LRRC4C: variants seen among roughly 807,000 people sequenced by gnomAD.
The protein encoded by LRRC4C is leucine rich repeat containing 4C.
A neutral mutation model predicts 33.6 loss-of-function variants in LRRC4C; 5 were observed. The ratio of observed to expected loss-of-function variants is 0.15; its 90% confidence interval spans 0.08 to 0.31. The LOEUF is 0.31. Among genes scored for constraint, LRRC4C ranks in the 10% least tolerant of loss-of-function variants. The pLI, the probability that LRRC4C is intolerant of heterozygous loss-of-function variation, is 1.00. For synonymous variants in LRRC4C, 329 were observed against 302.0 expected, an observed-to-expected ratio of 1.09 and a Z score of -0.93; for missense variants, 560 against 796.7, an observed-to-expected ratio of 0.70 and a Z score of 3.58.
intron 2 of LRRC4C, among the ~76,000 whole-genome samples, chr11:40,749,026 A>G (rs75836299): frequency 0.12 from 17,960 of 152,186 alleles, 1,460 homozygotes; most frequent in East Asian, 0.41. Flanking sequence ...AGCGACTGCA[A>G]TGGAATGATT....
chr11:40,329,737 CTTTTTTTTTTTTTT>C (rs199598860), intron 3 of LRRC4C, among the ~76,000 whole-genome samples: 1 of 120,414 alleles, frequency 8.3e-6, no homozygotes, highest in Admixed American at 8.6e-5. Context: ...CTTTCTTTTT[CTTTTTTTTTTTTTT>C]TTTTTTTTGA....
At chr11:40,853,982 G>C (rs1329318276) in intron 2 of LRRC4C, among the ~76,000 whole-genome samples, 3 of 152,142 alleles carry the variant, frequency 2.0e-5, no homozygotes, top group South Asian at 4.1e-4. Context: ...AACTGGAAGA[G>C]AGGTAATCAA....
chr11:40,486,154 T>TAAAA (rs11415781), intron 3 of LRRC4C, among the ~76,000 whole-genome samples: 9 of 133,462 alleles, frequency 6.7e-5, no homozygotes, highest in Non-Finnish European at 1.5e-4. Flanking sequence ...GACAAAAGTT[T>TAAAA]AAAAAAAAAA....
chr11:41,168,734 T>A (rs1242396087), intron 1 of LRRC4C, among the ~76,000 whole-genome samples: 2 of 152,206 alleles, frequency 1.3e-5, no homozygotes, highest in Admixed American at 6.5e-5. Context: ...CATTTTCAAT[T>A]GAGTACTTTT....
At chr11:40,904,999 C>A (rs926093390) in intron 2 of LRRC4C, among the ~76,000 whole-genome samples, 1 of 152,060 alleles carries the variant, frequency 6.6e-6, no homozygotes, top group South Asian at 2.1e-4. Flanking sequence ...TTTGTGCGCA[C>A]GTGCACACGC....
chr11:40,154,301 A>C (rs1858488777), intron 5 of LRRC4C, among the ~76,000 whole-genome samples: 1 of 151,928 alleles, frequency 6.6e-6, no homozygotes, highest in African/African-American at 2.4e-5. Flanking sequence ...AAAAAAAAAA[A>C]AACAAAAAGC....
intron 1 of LRRC4C, among the ~76,000 whole-genome samples, chr11:41,438,450 G>A (rs1303538379): frequency 6.6e-6 from 1 of 152,142 alleles, no homozygotes; most frequent in Non-Finnish European, 1.5e-5. Flanking sequence ...TGGTGACCTT[G>A]TAGAAAGTCC....
chr11:40,950,572 C>CT (rs1958647875), intron 1 of LRRC4C, among the ~76,000 whole-genome samples: 2 of 151,860 alleles, frequency 1.3e-5, no homozygotes, highest in Admixed American at 1.3e-4. Context: ...TCTCTTTGAC[C>CT]TTTGTGTATA....
intron 3 of LRRC4C, among the ~76,000 whole-genome samples, chr11:40,520,651 T>C (rs184119376): frequency 1.3e-3 from 193 of 152,188 alleles, no homozygotes; most frequent in African/African-American, 4.5e-3. Context: ...ATAACAGATA[T>C]AATGAAAAAT....
chr11:40,913,826 G>C (rs1187465656), intron 2 of LRRC4C, among the ~76,000 whole-genome samples: 1 of 152,016 alleles, frequency 6.6e-6, no homozygotes, highest in Non-Finnish European at 1.5e-5. Context: ...AGAAAAGAGA[G>C]AAGAATCAAA....
intron 1 of LRRC4C, among the ~76,000 whole-genome samples, chr11:41,092,387 G>A (rs773270785): frequency 3.3e-5 from 5 of 152,074 alleles, no homozygotes; most frequent in Admixed American, 6.6e-5. Flanking sequence ...TATGCCACAG[G>A]CACTTAATCA....
chr11:40,490,706 C>T (rs11603034), intron 3 of LRRC4C, among the ~76,000 whole-genome samples: 2,030 of 152,214 alleles, frequency 0.013, 18 homozygotes, highest in Middle Eastern at 0.034. Flanking sequence ...TGGAACTCCT[C>T]GGCAGCCTCC....
chr11:41,325,184 A>T (rs913512310), intron 1 of LRRC4C, among the ~76,000 whole-genome samples: 7 of 152,168 alleles, frequency 4.6e-5, no homozygotes, highest in Non-Finnish European at 7.3e-5. Flanking sequence ...AAACTGGGTA[A>T]AAGTGAGGGA....
intron 2 of LRRC4C, among the ~76,000 whole-genome samples, chr11:40,688,801 A>T (rs1473144997): frequency 6.6e-6 from 1 of 152,124 alleles, no homozygotes; most frequent in Non-Finnish European, 1.5e-5. Context: ...ACACATAATG[A>T]ACCACAGTGG....
chr11:40,242,056 C>G (rs576268908), intron 4 of LRRC4C, among the ~76,000 whole-genome samples: 1 of 152,282 alleles, frequency 6.6e-6, no homozygotes, highest in Non-Finnish European at 1.5e-5. Flanking sequence ...TGCATTTCCT[C>G]CTGGAAGGCT....
chr11:40,931,521 T>G (rs1390363021), intron 2 of LRRC4C, among the ~76,000 whole-genome samples: 1 of 152,076 alleles, frequency 6.6e-6, no homozygotes, highest in Non-Finnish European at 1.5e-5. Flanking sequence ...ATATTTTACT[T>G]GGCTTATTTG....
intron 1 of LRRC4C, among the ~76,000 whole-genome samples, chr11:41,161,178 C>T (rs1944454480): frequency 6.6e-6 from 1 of 152,104 alleles, no homozygotes; most frequent in South Asian, 2.1e-4. Flanking sequence ...AAAGATGAGA[C>T]TCCTTAAAAA....
chr11:41,101,820 T>C (rs1941205711), intron 1 of LRRC4C, among the ~76,000 whole-genome samples: 1 of 152,024 alleles, frequency 6.6e-6, no homozygotes, highest in South Asian at 2.1e-4. Context: ...AAAGAGAGCA[T>C]TACCTTTGCA....
intron 1 of LRRC4C, among the ~76,000 whole-genome samples, chr11:41,220,359 T>C (rs1461492434): frequency 6.6e-6 from 1 of 152,120 alleles, no homozygotes; most frequent in East Asian, 1.9e-4. Flanking sequence ...TCTTAAACAA[T>C]ATGAAATACC....
Sources: gnomAD v4.1 joint callset for allele counts (sites outside exome capture counted in the v4.1 genomes callset) on GRCh38, gnomAD v4.1.1 for gene constraint, MANE v1.5 for transcripts, NCBI Gene and HGNC (gene_info 2026-07-23, HGNC 2026-07-21) for gene names.